DAPK1: variants seen among roughly 807,000 people sequenced by gnomAD.
DAPK1 encodes the protein death-associated protein kinase 1.
DAPK1 carries 56 observed loss-of-function variants against 144.9 expected under a neutral mutation model. That is an observed-to-expected ratio of 0.39 (90% CI 0.31 to 0.48). The LOEUF (loss-of-function observed/expected upper bound fraction) is 0.48, where lower values mean the gene tolerates loss of function less well. DAPK1 is among the 20% of genes least tolerant of loss of function. DAPK1 has a pLI of 0.95. For synonymous variants in DAPK1, 690 were observed against 749.0 expected (o/e 0.92, Z 1.29); for missense variants, 1,454 against 1,875.4 (o/e 0.78, Z 4.15).
At chr9:87,575,520 C>T (rs1301482528) in intron 2 of DAPK1, among the ~76,000 whole-genome samples, 7 of 151,908 alleles carry the variant, frequency 4.6e-5, no homozygotes, top group African/African-American at 1.5e-4. Flanking sequence ...ATCCCGATTT[C>T]GAAAAAACAA....
At chr9:87,516,383 G>A (rs1280983483) in intron 2 of DAPK1, among the ~76,000 whole-genome samples, 1 of 152,132 alleles carries the variant, frequency 6.6e-6, no homozygotes, top group East Asian at 1.9e-4. Context: ...TGGCAAACAC[G>A]GAGTTTCTGC....
chr9:87,524,885 A>G (rs895588072), intron 2 of DAPK1, among the ~76,000 whole-genome samples: 13 of 152,296 alleles, frequency 8.5e-5, no homozygotes, highest in African/African-American at 2.9e-4. Flanking sequence ...TTGGGGACTT[A>G]GAGGGAAAGG....
chr9:87,641,742 A>T (rs896669760), intron 9 of DAPK1, among the ~76,000 whole-genome samples: 3 of 152,196 alleles, frequency 2.0e-5, no homozygotes, highest in African/African-American at 7.2e-5. Context: ...TTTGACCCCA[A>T]GCTCTACTTC....
At chr9:87,661,881 G>A (rs146498956) in intron 18 of DAPK1, among the ~76,000 whole-genome samples, 23 of 152,150 alleles carry the variant, frequency 1.5e-4, no homozygotes, top group African/African-American at 5.3e-4. Flanking sequence ...TGAGGTCTTA[G>A]TCATGAATTA....
intron 2 of DAPK1, among the ~76,000 whole-genome samples, chr9:87,600,151 G>C (rs1828464447): frequency 6.6e-6 from 1 of 152,214 alleles, no homozygotes; most frequent in Non-Finnish European, 1.5e-5. Flanking sequence ...GAGAGCCGAA[G>C]CAAGAAGGCA....
intron 2 of DAPK1, chr9:87,525,557 G>GA (rs1365846374): frequency 5.0e-5 from 47 of 945,130 alleles, no homozygotes; most frequent in Admixed American, 3.4e-4. Context: ...ATAAACATTT[G>GA]AAAAAACAAC....
intron 3 of DAPK1, among the ~76,000 whole-genome samples, chr9:87,621,897 C>G (rs1829305877): frequency 1.3e-5 from 2 of 152,048 alleles, no homozygotes; most frequent in South Asian, 4.1e-4. Context: ...TGCAGTTCCC[C>G]CACATCCACA....
intron 2 of DAPK1, among the ~76,000 whole-genome samples, chr9:87,524,679 G>A (rs570525276): frequency 2.7e-3 from 411 of 152,254 alleles, no homozygotes; most frequent in Non-Finnish European, 4.9e-3. Context: ...AGAAACTATG[G>A]TATATATACA....
At chr9:87,619,355 C>T (rs1829211770) in intron 3 of DAPK1, among the ~76,000 whole-genome samples, 1 of 152,162 alleles carries the variant, frequency 6.6e-6, no homozygotes, top group African/African-American at 2.4e-5. Context: ...TCTGTGCCAA[C>T]CTTGTAGGAG....
At chr9:87,651,259 T>C (rs1830433972) in intron 16 of DAPK1, among the ~76,000 whole-genome samples, 1 of 152,214 alleles carries the variant, frequency 6.6e-6, no homozygotes, top group Admixed American at 6.5e-5. Flanking sequence ...TTATGTTCTA[T>C]CTGATTGTAC....
intron 3 of DAPK1, among the ~76,000 whole-genome samples, chr9:87,636,165 G>A (rs1829886902): frequency 6.6e-6 from 1 of 152,248 alleles, no homozygotes. Context: ...AGGGTGGGGA[G>A]TGCAGGGAAG....
At chr9:87,554,220 C>T (rs889976077) in intron 2 of DAPK1, 59 of 152,336 alleles carry the variant, frequency 3.9e-4, no homozygotes, top group African/African-American at 1.4e-3. Flanking sequence ...AAAATTTCCA[C>T]TTGATTTTGC....
chr9:87,642,098 T>G lies in DAPK1; in HGVS notation c.918+40T>G, dbSNP rs764735226. 4 of 1,558,892 alleles carry G rather than the reference T, an allele frequency of 2.6e-6. No homozygotes were observed. The Middle Eastern group carries it at 5.0e-4, about 196-fold the overall frequency. ...TGTGGAGGGATTAACAAATTCTGTTTCCTGTGTAGAGTAGTGTGTGGTCAG... is the reference window on the plus strand; with the variant it reads ...TGTGGAGGGATTAACAAATTCTGTTGCCTGTGTAGAGTAGTGTGTGGTCAG... On this transcript the variant is annotated intron_variant, in intron 10 of 25. Coordinates refer to ENST00000408954, the MANE Select transcript of DAPK1 (RefSeq NM_004938.4).
At chr9:87,511,735 G>A (rs1003805367) in intron 2 of DAPK1, among the ~76,000 whole-genome samples, 16 of 140,992 alleles carry the variant, frequency 1.1e-4, no homozygotes, top group Non-Finnish European at 2.2e-4. Context: ...CTCCCAGATG[G>A]AGTCTCACTC....
intron 2 of DAPK1, among the ~76,000 whole-genome samples, chr9:87,600,632 C>T (rs1828483469): frequency 6.6e-6 from 1 of 152,114 alleles, no homozygotes; most frequent in African/African-American, 2.4e-5. Flanking sequence ...GTGAATTCAC[C>T]AGTACAAAAT....
chr9:87,678,240 G>A (rs36217441), intron 19 of DAPK1, among the ~76,000 whole-genome samples: 327 of 152,078 alleles, frequency 2.2e-3, no homozygotes, highest in African/African-American at 7.1e-3. Flanking sequence ...AGACAGGGAC[G>A]CACCTACTAC....
Position 87,686,487 on chromosome 9 carries a change from C to A in DAPK1, c.2225-64C>A. The A allele has an allele frequency of 2.1e-6, 2 of 935,752 alleles. No homozygotes were observed. Among genetic ancestry groups the A allele is most frequent in the Non-Finnish European group, 3.4e-6 (2 of 596,682 alleles). The allele number at this position is 935,752 out of a possible 1,614,324, so 58.0% of individuals were successfully genotyped here. On this transcript the variant is annotated intron_variant, in intron 20 of 25. Coordinates refer to ENST00000408954, the MANE Select transcript of DAPK1 (RefSeq NM_004938.4). The surrounding 1 kb of genome is among the most constrained non-coding windows in gnomAD (Gnocchi z 4.2). ...CAGAAAAGGAAACCTCAGGGCCAGC[C>A]TGGGAGGGAGACAGGCACACGCTGC... is the stretch of plus-strand genomic sequence containing the variant.
At chr9:87,685,310 C>T (rs1438474841) in intron 20 of DAPK1, among the ~76,000 whole-genome samples, 1 of 152,172 alleles carries the variant, frequency 6.6e-6, no homozygotes, top group Non-Finnish European at 1.5e-5. Context: ...CCGTTGGATA[C>T]CCCCATTATC....
intron 3 of DAPK1, chr9:87,633,297 G>A: frequency 2.0e-6 from 2 of 984,736 alleles, no homozygotes; most frequent in Non-Finnish European, 2.4e-6. Flanking sequence ...GGTATGTAGG[G>A]ATGAAAGGGG....
Sources: gnomAD v4.1 joint callset for allele counts (sites outside exome capture counted in the v4.1 genomes callset) on GRCh38, gnomAD v4.1.1 for gene constraint, Gnocchi (gnomAD v3.1) non-coding constraint, MANE v1.5 for transcripts, NCBI Gene and HGNC (gene_info 2026-07-23, HGNC 2026-07-21) for gene names.